Variants in KHDRBS2 observed in about 807,000 individuals in gnomAD.
KHDRBS2 encodes the protein KH RNA binding domain containing, signal transduction associated 2, also known as KH domain-containing, RNA-binding, signal transduction-associated protein 2.
Under a neutral mutation model 44.3 loss-of-function variants are expected in KHDRBS2, and 26 were observed. The observed-to-expected ratio is 0.59, with a 90% CI of 0.43 to 0.81. The LOEUF is 0.81. Ranked by LOEUF, KHDRBS2 falls within the 40% of genes least tolerant of loss-of-function variation. The probability of loss-of-function intolerance (pLI) is 0.00; values close to 1 mark genes in which losing one functional copy is unlikely to be tolerated. For missense variants in KHDRBS2, 476 were observed against 433.1 expected (o/e 1.10, Z -0.88); for synonymous variants, 194 against 151.1 (o/e 1.28, Z -2.08).
At chr6:61,759,065 A>G (rs1778907376) in intron 6 of KHDRBS2, among the ~76,000 whole-genome samples, 1 of 152,198 alleles carries the variant, frequency 6.6e-6, no homozygotes, top group Non-Finnish European at 1.5e-5. Flanking sequence ...TAATGGAAAC[A>G]ATGATTTTAC....
At chr6:61,646,641 A>G in the KHDRBS2 span, among the ~76,000 whole-genome samples, 89 of 152,202 alleles carry the variant, frequency 5.8e-4, no homozygotes, top group Middle Eastern at 3.4e-3. Context: ...GCTTTCACAT[A>G]TGTTCAGAAA....
intron 6 of KHDRBS2, among the ~76,000 whole-genome samples, chr6:61,881,817 C>T (rs1414955970): frequency 2.6e-5 from 4 of 151,956 alleles, no homozygotes; most frequent in African/African-American, 4.8e-5. Context: ...CTGACAACAA[C>T]GGGTGCTCTG....
chr6:62,053,181 C>A (rs955579211), intron 2 of KHDRBS2, among the ~76,000 whole-genome samples: 1 of 151,684 alleles, frequency 6.6e-6, no homozygotes, highest in South Asian at 2.1e-4. Context: ...TAAAGAAATA[C>A]CAGTCCCATT....
chr6:62,231,864 C>T (rs147937690), intron 1 of KHDRBS2, among the ~76,000 whole-genome samples: 120 of 152,236 alleles, frequency 7.9e-4, no homozygotes, highest in African/African-American at 2.4e-3. Flanking sequence ...TGATGCACTA[C>T]TCAAGACACC....
chr6:62,064,066 C>G (rs1470679164), intron 2 of KHDRBS2, among the ~76,000 whole-genome samples: 1 of 133,452 alleles, frequency 7.5e-6, no homozygotes, highest in Non-Finnish European at 1.6e-5. Context: ...AGGAATCCAA[C>G]TTACAAGGGA....
At chr6:61,964,861 AC>A (rs1448557653) in intron 4 of KHDRBS2, among the ~76,000 whole-genome samples, 1 of 152,130 alleles carries the variant, frequency 6.6e-6, no homozygotes, top group African/African-American at 2.4e-5. Context: ...AATACAGTCT[AC>A]CAACAGGATA....
chr6:62,160,916 C>A (rs1330321721), intron 2 of KHDRBS2, among the ~76,000 whole-genome samples: 1 of 152,088 alleles, frequency 6.6e-6, no homozygotes, highest in African/African-American at 2.4e-5. Context: ...TATCATTCAT[C>A]TCCATAACTC....
chr6:62,106,308 A>G (rs1803280657), intron 2 of KHDRBS2, among the ~76,000 whole-genome samples: 1 of 152,074 alleles, frequency 6.6e-6, no homozygotes. Flanking sequence ...CTTGGTGCAG[A>G]GCTGAGTTCA....
chr6:61,664,872 T>C, the KHDRBS2 span, among the ~76,000 whole-genome samples: 2 of 151,708 alleles, frequency 1.3e-5, no homozygotes, highest in Non-Finnish European at 3.0e-5. Context: ...ATATCTGTAA[T>C]AAATAAAGGT....
At chr6:61,956,696 G>A (rs1161313630) in intron 4 of KHDRBS2, among the ~76,000 whole-genome samples, 4 of 152,034 alleles carry the variant, frequency 2.6e-5, no homozygotes, top group African/African-American at 9.7e-5. Context: ...TATATTCTTG[G>A]CCACTGAACA....
At chr6:62,212,867 T>C (rs1377231556) in intron 1 of KHDRBS2, among the ~76,000 whole-genome samples, 1 of 152,012 alleles carries the variant, frequency 6.6e-6, no homozygotes, top group Non-Finnish European at 1.5e-5. Context: ...CCTAGCAAAC[T>C]AATACAGGAA....
the KHDRBS2 span, among the ~76,000 whole-genome samples, chr6:61,607,945 C>T: frequency 0.024 from 3,717 of 152,298 alleles, 70 homozygotes; most frequent in Middle Eastern, 0.085. Flanking sequence ...ACCTTGGCCT[C>T]CCAAAGTGCT....
chr6:61,547,358 AATTT>A, the KHDRBS2 span, among the ~76,000 whole-genome samples: 62 of 152,202 alleles, frequency 4.1e-4, no homozygotes, highest in African/African-American at 1.5e-3. Flanking sequence ...AACTTTCTAT[AATTT>A]ATTCCATAGT....
intron 2 of KHDRBS2, among the ~76,000 whole-genome samples, chr6:62,118,907 G>A (rs1806939274): frequency 6.6e-6 from 1 of 152,152 alleles, no homozygotes; most frequent in Non-Finnish European, 1.5e-5. Context: ...GACTCAGACT[G>A]GCTTCCGGCT....
chr6:61,904,126 C>T (rs1186706036), intron 4 of KHDRBS2, among the ~76,000 whole-genome samples: 4 of 152,154 alleles, frequency 2.6e-5, no homozygotes, highest in Admixed American at 2.6e-4. Context: ...CTCTCCAGCC[C>T]TGCCTAGAGG....
intron 6 of KHDRBS2, among the ~76,000 whole-genome samples, chr6:61,884,916 G>A (rs1054636752): frequency 1.3e-5 from 2 of 152,048 alleles, no homozygotes; most frequent in African/African-American, 2.4e-5. Flanking sequence ...GGGATGCAAA[G>A]TTTGTGGGGC....
intron 1 of KHDRBS2, among the ~76,000 whole-genome samples, chr6:62,236,131 C>A (rs887322982): frequency 1.3e-5 from 2 of 152,016 alleles, no homozygotes; most frequent in African/African-American, 4.8e-5. Flanking sequence ...CATAAATATA[C>A]CACATAATAT....
the KHDRBS2 span, among the ~76,000 whole-genome samples, chr6:61,556,348 T>C: frequency 6.6e-6 from 1 of 152,196 alleles, no homozygotes; most frequent in African/African-American, 2.4e-5. Flanking sequence ...ATCACATTTT[T>C]TTAATCACTC....
chr6:61,697,090 T>C (rs1767987624), intron 8 of KHDRBS2, 105 bp downstream of exon 8: 1 of 811,026 alleles, frequency 1.2e-6, no homozygotes, highest in Non-Finnish European at 2.2e-6. Flanking sequence ...CAATTTAGTC[T>C]AGACTTCTGG....
Sources: allele counts gnomAD v4.1 joint callset (sites outside exome capture counted in the v4.1 genomes callset), GRCh38; gene constraint gnomAD v4.1.1; transcripts MANE v1.5; gene names NCBI Gene and HGNC (gene_info 2026-07-23, HGNC 2026-07-21).